The following ACTN1 variants were observed in gnomAD, a reference collection of about 807,000 sequenced individuals.
ACTN1 encodes the protein alpha-actinin-1.
Under a neutral mutation model 119.6 loss-of-function variants are expected in ACTN1, and 30 were observed. That is an observed-to-expected ratio of 0.25 (90% CI 0.19 to 0.34). ACTN1 has a LOEUF of 0.34. ACTN1 is among the 10% of genes least tolerant of loss of function. ACTN1 has a pLI of 1.00. For missense variants in ACTN1, 764 were observed against 1,223.4 expected, an observed-to-expected ratio of 0.62 and a Z score of 5.60; for synonymous variants, 429 against 472.6, an observed-to-expected ratio of 0.91 and a Z score of 1.20.
intron 2 of ACTN1, among the ~76,000 whole-genome samples, chr14:68,922,988 G>A (rs1055075546): frequency 1.7e-4 from 26 of 152,338 alleles, no homozygotes; most frequent in South Asian, 6.2e-4. Flanking sequence ...CTGTCCAGGG[G>A]AGAACAGATC....
chr14:68,912,046 G>C, intron 4 of ACTN1, 110 bp downstream of exon 4: 1 of 913,080 alleles, frequency 1.1e-6, no homozygotes, highest in South Asian at 1.5e-5. Context: ...AGAAGCCCAG[G>C]ACATGGCCCC....
chr14:68,882,749 G>A lies in ACTN1; in HGVS notation c.1818+124C>T. ...CTGGAAACCCAGTCATTTGACATTTGGACAAACAATGAGTGTTTACTATAT... is the reference window on the plus strand; with the variant it reads ...CTGGAAACCCAGTCATTTGACATTTAGACAAACAATGAGTGTTTACTATAT... On this transcript the variant is annotated intron_variant, in intron 15 of 21. Transcript: ENST00000394419. The surrounding 1 kb of genome is among the most constrained non-coding windows in gnomAD (Gnocchi z 4.5). 6.6e-7 allele frequency: 1 copy of A among 1,504,416 alleles called. No individual in the cohort carries two copies. Among genetic ancestry groups the A allele is most frequent in the Admixed American group, 1.9e-5 (1 of 53,962 alleles). The allele number at this position is 1,504,416 out of a possible 1,614,324, so 93.2% of individuals were successfully genotyped here. A position where few individuals can be genotyped will look rare whatever the true frequency, so the allele number is the denominator to read the frequency against.
intron 11 of ACTN1, chr14:68,886,724 T>A (rs534970385): frequency 6.6e-6 from 1 of 151,212 alleles, no homozygotes; most frequent in African/African-American, 2.4e-5. Flanking sequence ...AACCAGGGAG[T>A]CAGAGGTTGC....
chr14:68,902,623 G>A (rs538437580), intron 7 of ACTN1, 61 bp from the exon 8 acceptor site: 5 of 1,430,778 alleles, frequency 3.5e-6, no homozygotes, highest in Non-Finnish European at 3.9e-6. Context: ...CACCCCCGAC[G>A]TGAGGCAGAA....
At chr14:68,898,075 C>T (rs2033005285) in intron 8 of ACTN1, among the ~76,000 whole-genome samples, 1 of 152,244 alleles carries the variant, frequency 6.6e-6, no homozygotes, top group Non-Finnish European at 1.5e-5. Flanking sequence ...CTGCCCTGCT[C>T]AGATCTGGGG....
At chr14:68,908,945 C>T (rs2033831498) in intron 6 of ACTN1, among the ~76,000 whole-genome samples, 1 of 152,254 alleles carries the variant, frequency 6.6e-6, no homozygotes, top group Non-Finnish European at 1.5e-5. Flanking sequence ...CGGGGATGAA[C>T]TGTCCCTTAG....
At chr14:68,954,716 G>T (rs2036293107) in intron 1 of ACTN1, among the ~76,000 whole-genome samples, 1 of 152,124 alleles carries the variant, frequency 6.6e-6, no homozygotes, top group African/African-American at 2.4e-5. Flanking sequence ...AGGGCTAAAG[G>T]GTCTGAGCAT....
rs560334450 is a variant in ACTN1, at chr14:68,886,250, T to C, written c.1235-675A>G. 3.1e-3 allele frequency: 468 copies of C among 152,360 alleles called. 1 individual carries two copies. The highest frequency in any genetic ancestry group is 5.3e-3 in the Non-Finnish European group (363 of 68,042). The allele number at this position is 152,360 out of a possible 1,614,324, so 9.4% of individuals were successfully genotyped here. A position where few individuals can be genotyped will look rare whatever the true frequency, so the allele number is the denominator to read the frequency against. ...GCTGGCCCAGCCTCCCTCACTCACA[T>C]ACCCAACCCTCTGCTGCTGGTATGC... On this transcript the variant is annotated intron_variant, in intron 11 of 21. Transcript: ENST00000394419.
At chr14:68,949,550 G>T (rs148402004) in intron 1 of ACTN1, among the ~76,000 whole-genome samples, 118 of 152,326 alleles carry the variant, frequency 7.7e-4, no homozygotes, top group Non-Finnish European at 1.4e-3. Flanking sequence ...GACCCAAGGT[G>T]CCTGAGAAGC....
chr14:68,948,727 T>C (rs529756344), intron 1 of ACTN1, among the ~76,000 whole-genome samples: 9 of 149,384 alleles, frequency 6.0e-5, no homozygotes, highest in Admixed American at 5.4e-4. Context: ...TTTCATGGCC[T>C]CTCTTTCTCT....
At chr14:68,916,056 T>C (rs556083610) in intron 3 of ACTN1, among the ~76,000 whole-genome samples, 4 of 152,316 alleles carry the variant, frequency 2.6e-5, no homozygotes, top group African/African-American at 9.6e-5. Context: ...ACATTAATGC[T>C]TATGAGTGCT....
chr14:68,898,680 G>T (rs2033054104), intron 8 of ACTN1, among the ~76,000 whole-genome samples: 1 of 152,076 alleles, frequency 6.6e-6, no homozygotes, highest in South Asian at 2.1e-4. Context: ...AGTCACCTTA[G>T]AAGTGGTGGG....
At chr14:68,968,612 C>A (rs541442999) in intron 1 of ACTN1, among the ~76,000 whole-genome samples, 16 of 152,342 alleles carry the variant, frequency 1.1e-4, no homozygotes, top group African/African-American at 3.8e-4. Context: ...GAGAACACTG[C>A]GGTCGCAACT....
intron 9 of ACTN1, among the ~76,000 whole-genome samples, chr14:68,893,337 C>G (rs1279909580): frequency 6.6e-6 from 1 of 152,210 alleles, no homozygotes; most frequent in Non-Finnish European, 1.5e-5. Context: ...AAGCAAAACT[C>G]ACAGACTAAG....
intron 1 of ACTN1, among the ~76,000 whole-genome samples, chr14:68,955,108 C>T (rs2036310871): frequency 6.6e-6 from 1 of 152,210 alleles, no homozygotes; most frequent in Admixed American, 6.5e-5. Flanking sequence ...CTTCCTGGTC[C>T]CCATATACAC....
chr14:68,877,276 A>C, intron 20 of ACTN1, 36 bp from the exon 21 acceptor site: 1 of 1,612,424 alleles, frequency 6.2e-7, no homozygotes. Context: ...CTGTCAGCCC[A>C]TGGCCTGCTG....
intron 1 of ACTN1, among the ~76,000 whole-genome samples, chr14:68,950,321 G>T (rs2036095540): frequency 7.1e-6 from 1 of 140,842 alleles, no homozygotes; most frequent in Non-Finnish European, 1.5e-5. Context: ...AAAAAAAAAA[G>T]AGTTCAGGAG....
intron 1 of ACTN1, chr14:68,936,533 A>G: frequency 3.2e-6 from 1 of 314,748 alleles, no homozygotes; most frequent in Non-Finnish European, 6.2e-6. Flanking sequence ...AAATAAAAGA[A>G]CAGTCTGTCT....
chr14:68,927,561 A>G (rs1321027590), intron 1 of ACTN1, among the ~76,000 whole-genome samples: 2 of 152,108 alleles, frequency 1.3e-5, no homozygotes, highest in African/African-American at 4.8e-5. Context: ...GGGAGATCCA[A>G]CTGCACCTTG....
Sources: gnomAD v4.1 joint callset for allele counts (sites outside exome capture counted in the v4.1 genomes callset) on GRCh38, gnomAD v4.1.1 for gene constraint, Gnocchi (gnomAD v3.1) non-coding constraint, MANE v1.5 for transcripts, NCBI Gene and HGNC (gene_info 2026-07-23, HGNC 2026-07-21) for gene names.